TTC39B: variants seen among roughly 807,000 people sequenced by gnomAD.
The protein encoded by TTC39B is tetratricopeptide repeat domain 39B.
Under a neutral mutation model 96.6 loss-of-function variants are expected in TTC39B, and 92 were observed. The observed-to-expected ratio is 0.95, with a 90% CI of 0.80 to 1.13. TTC39B has a LOEUF of 1.13. Among genes scored for constraint, TTC39B ranks in the 50% most tolerant of loss-of-function variants. The pLI is 0.00. For synonymous variants in TTC39B, 367 were observed against 299.4 expected (o/e 1.23, Z -2.33); for missense variants, 955 against 809.3 (o/e 1.18, Z -2.18).
At chr9:15,256,502 T>A (rs540878477) in intron 2 of TTC39B, among the ~76,000 whole-genome samples, 1 of 152,198 alleles carries the variant, frequency 6.6e-6, no homozygotes, top group South Asian at 2.1e-4. Context: ...AAGTACACCA[T>A]GACAAGCAAA....
intron 1 of TTC39B, among the ~76,000 whole-genome samples, chr9:15,281,820 G>A (rs1823775755): frequency 6.6e-6 from 1 of 151,918 alleles, no homozygotes; most frequent in African/African-American, 2.4e-5. Flanking sequence ...GGGACTACAG[G>A]CACATGCCAT....
At chr9:15,229,445 G>C (rs71513217) in intron 2 of TTC39B, among the ~76,000 whole-genome samples, 2,299 of 152,292 alleles carry the variant, frequency 0.015, 39 homozygotes, top group Admixed American at 0.02. Context: ...TTAACTTGTA[G>C]ATTTTTTAAT....
chr9:15,305,322 G>A (rs1241098124), intron 1 of TTC39B, among the ~76,000 whole-genome samples: 3 of 152,192 alleles, frequency 2.0e-5, no homozygotes, highest in African/African-American at 7.2e-5. Context: ...CACCTACCAA[G>A]TTTGAGCCCA....
chr9:15,203,056 A>C (rs1157076999), intron 7 of TTC39B, among the ~76,000 whole-genome samples: 1 of 152,200 alleles, frequency 6.6e-6, no homozygotes, highest in African/African-American at 2.4e-5. Context: ...GAAAAATAAA[A>C]TTTGAAGTAT....
At position 15,172,321 on chromosome 9, in the gene TTC39B, C is replaced by T. The variant is rs1240810120; in HGVS notation, c.1959-212G>A. Among the ~76,000 whole-genome samples, 3 of 152,038 alleles carry T rather than the reference C, an allele frequency of 2.0e-5. No individual in the cohort carries two copies. In the East Asian group the frequency reaches 5.8e-4, roughly 29 times the overall value. ...TTTCTAGAAGCTTCCTGGTGGTCAT[C>T]TAAAGGTCATACTTTGAGTAGCAAG... On this transcript the variant is annotated intron_variant, in intron 19 of 19. Transcript: ENST00000512701.
intron 1 of TTC39B, among the ~76,000 whole-genome samples, chr9:15,300,672 G>T (rs996631989): frequency 6.6e-5 from 10 of 152,090 alleles, no homozygotes; most frequent in Non-Finnish European, 1.2e-4. Flanking sequence ...GATCACCTGA[G>T]GTCAGGAGTT....
chr9:15,283,084 C>T (rs1246243822), intron 1 of TTC39B, among the ~76,000 whole-genome samples: 2 of 152,110 alleles, frequency 1.3e-5, no homozygotes, highest in Non-Finnish European at 2.9e-5. Context: ...TATCTATAAG[C>T]TCTATCCACA....
chr9:15,300,359 T>G (rs1009217431), intron 1 of TTC39B, among the ~76,000 whole-genome samples: 25 of 152,136 alleles, frequency 1.6e-4, no homozygotes, highest in African/African-American at 5.8e-4. Context: ...ACCCTCAAAC[T>G]GGGGGACAGG....
At chr9:15,269,247 C>A (rs1823246593) in intron 1 of TTC39B, among the ~76,000 whole-genome samples, 1 of 152,216 alleles carries the variant, frequency 6.6e-6, no homozygotes, top group African/African-American at 2.4e-5. Flanking sequence ...ATCATAATCT[C>A]TAATGATCTT....
intron 1 of TTC39B, among the ~76,000 whole-genome samples, chr9:15,305,724 T>C (rs1824733228): frequency 6.6e-6 from 1 of 150,484 alleles, no homozygotes; most frequent in Admixed American, 6.7e-5. Context: ...GCAGTGAGCA[T>C]AGCTGGGGTG....
In TTC39B at chr9:15,177,906, C is replaced by G. The variant is rs1199891700; in HGVS notation, c.1724-92G>C. Reference sequence around the variant, plus strand: ...TTTTTTTGAGACGGACTCTCGCTCTCTCACCCAGGCTGGAGTGCAGTGGCG... The same window carrying G: ...TTTTTTTGAGACGGACTCTCGCTCTGTCACCCAGGCTGGAGTGCAGTGGCG... On this transcript the variant is annotated intron_variant, in intron 17 of 19. Coordinates refer to ENST00000512701, the Ensembl canonical transcript of TTC39B. 96 of 765,096 alleles carry G rather than the reference C, an allele frequency of 1.3e-4. 1 individual carries two copies. In the Middle Eastern group the frequency reaches 1.5e-3, roughly 12 times the overall value. 47.4% of individuals were successfully genotyped at this position (765,096 alleles called of 1,614,324 possible).
chr9:15,221,046 C>T lies in TTC39B; in HGVS notation c.371+4871G>A, dbSNP rs150236064. Among the ~76,000 whole-genome samples, 604 of 152,240 alleles carry T rather than the reference C, an allele frequency of 4.0e-3. 3 individuals carry two copies. Among genetic ancestry groups the T allele is most frequent in the African/African-American group, 0.013 (550 of 41,530 alleles). On this transcript the variant is annotated intron_variant, in intron 3 of 19. Coordinates refer to ENST00000512701, the Ensembl canonical transcript of TTC39B. The stretch of plus-strand genomic sequence containing the variant: ...CTGCATGCACATATCTGGTGATGAC[C>T]GCATAGCTAGGGTGGTGTCTACTGT...
intron 1 of TTC39B, among the ~76,000 whole-genome samples, chr9:15,276,349 C>T (rs1052981616): frequency 6.6e-6 from 1 of 152,126 alleles, no homozygotes; most frequent in African/African-American, 2.4e-5. Flanking sequence ...AAATCCTTTC[C>T]CCCTTCCACT....
chr9:15,183,077 G>A (rs931538552), intron 16 of TTC39B, among the ~76,000 whole-genome samples: 3 of 152,072 alleles, frequency 2.0e-5, no homozygotes, highest in African/African-American at 7.2e-5. Flanking sequence ...TCCTGATAGT[G>A]CAGTTCGTAT....
At chr9:15,284,220 C>T (rs1439087094) in intron 1 of TTC39B, among the ~76,000 whole-genome samples, 1 of 152,176 alleles carries the variant, frequency 6.6e-6, no homozygotes, top group Non-Finnish European at 1.5e-5. Context: ...ATTTTTGTCC[C>T]TGTGATTGGC....
intron 16 of TTC39B, among the ~76,000 whole-genome samples, chr9:15,182,880 T>G (rs1008072707): frequency 2.0e-5 from 3 of 152,220 alleles, no homozygotes; most frequent in Non-Finnish European, 4.4e-5. Context: ...TAGAAACATG[T>G]GACGGTCCAG....
chr9:15,199,734 CAAAA>C (rs35361396), intron 8 of TTC39B, 123 bp downstream of exon 8: 504 of 70,198 alleles, frequency 7.2e-3, no homozygotes, highest in Middle Eastern at 0.014. Flanking sequence ...GACTCCGTCT[CAAAA>C]AAAAAAAAAA....
chr9:15,276,276 T>C (rs1393963575), intron 1 of TTC39B, among the ~76,000 whole-genome samples: 2 of 152,096 alleles, frequency 1.3e-5, no homozygotes, highest in African/African-American at 4.8e-5. Context: ...ACAACACGAG[T>C]GTGCTTCAGG....
At chr9:15,168,869 G>C (rs1307898379) in exon 20 of TTC39B, 2 of 152,112 alleles carry the variant, frequency 1.3e-5, no homozygotes, top group African/African-American at 4.8e-5. Flanking sequence ...TAACACCGGG[G>C]ATTGTTAGTG....
Sources: allele counts gnomAD v4.1 joint callset (sites outside exome capture counted in the v4.1 genomes callset), GRCh38; gene constraint gnomAD v4.1.1; transcripts MANE v1.5; gene names NCBI Gene and HGNC (gene_info 2026-07-23, HGNC 2026-07-21).